Variants in POU2F1 observed in about 807,000 individuals in gnomAD.
POU2F1 encodes POU domain, class 2, transcription factor 1.
In POU2F1, 16 loss-of-function variants were observed where a neutral mutation model predicts 84.9. The observed-to-expected ratio is 0.19, with a 90% CI of 0.13 to 0.29. The LOEUF is 0.29. POU2F1 is among the 10% of genes least tolerant of loss of function. The pLI, the probability that POU2F1 is intolerant of heterozygous loss-of-function variation, is 1.00. For synonymous variants in POU2F1, 368 were observed against 368.3 expected, an observed-to-expected ratio of 1.00 and a Z score of 0.01; for missense variants, 738 against 942.6, an observed-to-expected ratio of 0.78 and a Z score of 2.84.
chr1:167,293,619 G>A (rs1654080324), intron 1 of POU2F1, among the ~76,000 whole-genome samples: 1 of 151,972 alleles, frequency 6.6e-6, no homozygotes, highest in Non-Finnish European at 1.5e-5. Context: ...AAATTCATAT[G>A]GAACCAAAAA....
At position 167,399,388 on chromosome 1, in the gene POU2F1, G is replaced by A. The variant is rs771460481; in HGVS notation, c.1449+23G>A. On this transcript the variant is annotated intron_variant, in intron 12 of 15. Transcript: ENST00000367866. ...CTGGTAAGAATAAAAAATAGGGAGT[G>A]CAAGCTCAAGGGCTAATTTTTGCAA... 3.8e-6 allele frequency: 6 copies of A among 1,581,420 alleles called. No individual in the cohort carries two copies. The South Asian group carries it at 5.8e-5, about 15-fold the overall frequency.
At chr1:167,321,029 TC>T (rs1656276020) in intron 1 of POU2F1, among the ~76,000 whole-genome samples, 1 of 152,204 alleles carries the variant, frequency 6.6e-6, no homozygotes, top group South Asian at 2.1e-4. Context: ...TTTACTAAGG[TC>T]CCCAAGTAGG....
intron 7 of POU2F1, among the ~76,000 whole-genome samples, chr1:167,377,265 T>C (rs1179186372): frequency 1.3e-5 from 2 of 152,170 alleles, no homozygotes; most frequent in African/African-American, 2.4e-5. Context: ...TCCTATAGCT[T>C]AGTGCTTCCT....
intron 8 of POU2F1, among the ~76,000 whole-genome samples, chr1:167,386,377 G>A (rs183329449): frequency 5.3e-5 from 8 of 152,196 alleles, no homozygotes; most frequent in African/African-American, 1.2e-4. Flanking sequence ...GTAGAGATGG[G>A]GTTTCGCCAT....
At chr1:167,276,372 ATAT>A (rs766201398) in intron 1 of POU2F1, among the ~76,000 whole-genome samples, 1 of 152,184 alleles carries the variant, frequency 6.6e-6, no homozygotes, top group Admixed American at 6.5e-5. Context: ...TGATGCTGAC[ATAT>A]TATTATAACT....
intron 2 of POU2F1, among the ~76,000 whole-genome samples, chr1:167,363,669 T>A (rs995767632): frequency 6.6e-6 from 1 of 152,252 alleles, no homozygotes; most frequent in Non-Finnish European, 1.5e-5. Flanking sequence ...ATTCTTAATT[T>A]TACTAACTGT....
chr1:167,253,673 G>A (rs1426411593), intron 1 of POU2F1, among the ~76,000 whole-genome samples: 3 of 151,842 alleles, frequency 2.0e-5, no homozygotes, highest in Non-Finnish European at 4.4e-5. Flanking sequence ...GTGATCCGCC[G>A]GCCTTGACCT....
At chr1:167,392,945 C>T (rs999665642) in intron 9 of POU2F1, among the ~76,000 whole-genome samples, 6 of 152,126 alleles carry the variant, frequency 3.9e-5, no homozygotes, top group Non-Finnish European at 7.4e-5. Context: ...AAAAAAAGCT[C>T]TATTCTCTGT....
intron 1 of POU2F1, among the ~76,000 whole-genome samples, chr1:167,254,224 G>A (rs542516726): frequency 6.6e-6 from 1 of 152,144 alleles, no homozygotes; most frequent in Non-Finnish European, 1.5e-5. Context: ...ATATTAGTCT[G>A]ACTTAAAGGT....
Position 167,412,038 on chromosome 1 carries a change from C to G in POU2F1, c.1635C>G (p.Pro545=), listed in dbSNP as rs982562017. The G allele has an allele frequency of 1.7e-5, 27 of 1,614,100 alleles. No individual in the cohort carries two copies. The highest frequency in any genetic ancestry group is 2.7e-5 in the African/African-American group (2 of 74,920). The part of the protein sequence containing the change: ...APPASSAVTS[P]SLSPSPSASA... The stretch of plus-strand genomic sequence containing the variant: ...CAGCTTCCTCAGCAGTCACGTCCCC[C>G]TCTCTGAGTCCCTCCCCTTCTGCCT... Residue 545 remains proline, a synonymous_variant, in exon 14 of 16, where the codon CCC becomes CCG. Coordinates refer to ENST00000367866, the MANE Select transcript of POU2F1 (RefSeq NM_002697.4).
intron 1 of POU2F1, among the ~76,000 whole-genome samples, chr1:167,280,292 T>A (rs1255025317): frequency 6.6e-6 from 1 of 151,756 alleles, no homozygotes; most frequent in African/African-American, 2.4e-5. Context: ...ATGTAGCAAA[T>A]ATGCTTGGTG....
intron 1 of POU2F1, among the ~76,000 whole-genome samples, chr1:167,237,006 T>G (rs995599476): frequency 1.3e-5 from 2 of 152,164 alleles, no homozygotes; most frequent in African/African-American, 4.8e-5. Context: ...ATATTTTCAG[T>G]GCTGGATTTC....
intron 1 of POU2F1, among the ~76,000 whole-genome samples, chr1:167,321,702 A>G (rs1656323229): frequency 6.6e-6 from 1 of 152,220 alleles, no homozygotes; most frequent in Non-Finnish European, 1.5e-5. Flanking sequence ...TGGAAGCTTA[A>G]CAATGGCCAC....
intron 1 of POU2F1, among the ~76,000 whole-genome samples, chr1:167,269,070 C>G (rs1056545014): frequency 6.6e-6 from 1 of 152,040 alleles, no homozygotes; most frequent in African/African-American, 2.4e-5. Flanking sequence ...GATGTTGGCT[C>G]TTTGGTGTCA....
chr1:167,378,296 C>T (rs1189313717), intron 7 of POU2F1, among the ~76,000 whole-genome samples: 2 of 152,182 alleles, frequency 1.3e-5, no homozygotes, highest in Non-Finnish European at 2.9e-5. Flanking sequence ...AGTGCAATGG[C>T]ACGATCTCGG....
chr1:167,226,164 T>TA (rs1027393066), intron 1 of POU2F1, among the ~76,000 whole-genome samples: 5 of 152,258 alleles, frequency 3.3e-5, no homozygotes, highest in Non-Finnish European at 5.9e-5. Flanking sequence ...CAAATGTACT[T>TA]ACTATTTCTT....
intron 1 of POU2F1, among the ~76,000 whole-genome samples, chr1:167,252,710 A>C (rs541758123): frequency 1.8e-4 from 27 of 152,348 alleles, no homozygotes; most frequent in African/African-American, 6.5e-4. Flanking sequence ...ACTGTCCTAC[A>C]GCAGTGAAAT....
chr1:167,299,328 A>T (rs891919157), intron 1 of POU2F1, among the ~76,000 whole-genome samples: 6 of 152,106 alleles, frequency 3.9e-5, no homozygotes, highest in African/African-American at 1.2e-4. Flanking sequence ...TATGTTTTTT[A>T]AAAAAATCTT....
rs547177032 is a variant in POU2F1 at position 167,320,250 on chromosome 1, A to G, written c.62-12220A>G. 4.7e-4 allele frequency among the ~76,000 whole-genome samples: 72 copies of G among 152,340 alleles called. 1 individual carries two copies. The South Asian group carries it at 0.011, about 22-fold the overall frequency. On this transcript the variant is annotated intron_variant, in intron 1 of 15. Transcript: ENST00000367866. ...CATATCAAAAGCAGTCAATACCTCA[A>G]TTACAGCTACAAGTTTTGCTTTTTG...
Sources: allele counts gnomAD v4.1 joint callset (sites outside exome capture counted in the v4.1 genomes callset), GRCh38; gene constraint gnomAD v4.1.1; transcripts MANE v1.5; gene names NCBI Gene and HGNC (gene_info 2026-07-23, HGNC 2026-07-21).